Variants in GPR19 observed in about 807,000 individuals in gnomAD.
The protein encoded by GPR19 is G protein-coupled receptor 19.
In GPR19, 14 loss-of-function variants were observed where a neutral mutation model predicts 28.5. That is an observed-to-expected ratio of 0.49 (90% CI 0.32 to 0.77). The LOEUF is 0.77. Ranked by LOEUF, GPR19 falls within the 30% of genes least tolerant of loss-of-function variation. The probability of loss-of-function intolerance (pLI) is 0.03; values close to 1 mark genes in which losing one functional copy is unlikely to be tolerated. For synonymous variants in GPR19, 173 were observed against 184.1 expected (o/e 0.94, Z 0.49); for missense variants, 409 against 504.1 (o/e 0.81, Z 1.81).
At chr12:12,691,881 T>G (rs1198134300) in intron 2 of GPR19, among the ~76,000 whole-genome samples, 1 of 152,250 alleles carries the variant, frequency 6.6e-6, no homozygotes. Flanking sequence ...CCCATTACTT[T>G]TTCTGGTCAT....
chr12:12,700,566 G>T (rs1414483340), upstream of GPR19, among the ~76,000 whole-genome samples: 1 of 152,002 alleles, frequency 6.6e-6, no homozygotes, highest in African/African-American at 2.4e-5. Context: ...GGAAATATAG[G>T]GTTAGAAGCA....
At chr12:12,696,321 G>A (rs1368697784), upstream of GPR19, 2 of 140,894 alleles carry the variant, frequency 1.4e-5, no homozygotes, top group African/African-American at 5.3e-5. Flanking sequence ...TTTCCGTGGC[G>A]TTGAGATCCC....
intron 2 of GPR19, among the ~76,000 whole-genome samples, chr12:12,692,703 G>GA (rs542129885): frequency 1.4e-5 from 2 of 146,808 alleles, no homozygotes; most frequent in African/African-American, 5.0e-5. Context: ...TGTTTTTTTT[G>GA]TTTTTTTTTT....
At chr12:12,702,421 G>A in the GPR19 span, among the ~76,000 whole-genome samples, 1 of 152,096 alleles carries the variant, frequency 6.6e-6, no homozygotes, top group African/African-American at 2.4e-5. Context: ...CTGTAAAATA[G>A]TGTTACAAAG....
chr12:12,686,149 C>G (rs1432924823), intron 2 of GPR19, among the ~76,000 whole-genome samples: 1 of 152,144 alleles, frequency 6.6e-6, no homozygotes, highest in Non-Finnish European at 1.5e-5. Flanking sequence ...CAAAGCAATT[C>G]AGAATATTTA....
At chr12:12,679,976 C>T (rs560815632) in intron 3 of GPR19, among the ~76,000 whole-genome samples, 1 of 151,964 alleles carries the variant, frequency 6.6e-6, no homozygotes, top group East Asian at 1.9e-4. Context: ...AGCAAGTGCT[C>T]AACAAATATT....
chr12:12,667,453 G>A (rs1945799455), intron 3 of GPR19, among the ~76,000 whole-genome samples: 2 of 152,164 alleles, frequency 1.3e-5, no homozygotes, highest in African/African-American at 2.4e-5. Flanking sequence ...CACTTTGGGA[G>A]GCTGAGGCGG....
intron 3 of GPR19, among the ~76,000 whole-genome samples, chr12:12,670,196 A>G (rs1241209788): frequency 6.6e-6 from 1 of 152,230 alleles, no homozygotes; most frequent in Non-Finnish European, 1.5e-5. Context: ...GCCCAGGTAA[A>G]TGTGAATTTC....
At chr12:12,687,160 T>C (rs761869453) in intron 2 of GPR19, among the ~76,000 whole-genome samples, 1 of 152,216 alleles carries the variant, frequency 6.6e-6, no homozygotes, top group African/African-American at 2.4e-5. Context: ...TCCATTTGCC[T>C]TGGAGATAGT....
At chr12:12,717,213 C>CCGGCTAACTCTGAGGACACGCATTT in the GPR19 span, 2 of 1,048,708 alleles carry the variant, frequency 1.9e-6, no homozygotes, top group Non-Finnish European at 2.3e-6. Flanking sequence ...CGGCGGCGCT[C>CCGGCTAACTCTGAGGACACGCATTT]GGGGAGGCGG....
chr12:12,700,517 T>C (rs951222533), upstream of GPR19, among the ~76,000 whole-genome samples: 1 of 152,244 alleles, frequency 6.6e-6, no homozygotes, highest in Non-Finnish European at 1.5e-5. Context: ...AAAACAAGCA[T>C]GTTTTTTTAA....
chr12:12,684,172 C>G (rs1268997244), intron 3 of GPR19, 179 bp downstream of exon 3: 1 of 152,160 alleles, frequency 6.6e-6, no homozygotes, highest in Admixed American at 6.5e-5. Flanking sequence ...GACACATACT[C>G]TGATGAATTT....
chr12:12,682,179 A>T, intron 3 of GPR19, among the ~76,000 whole-genome samples: 1 of 152,234 alleles, frequency 6.6e-6, no homozygotes, highest in Non-Finnish European at 1.5e-5. Context: ...TTCCATTTAG[A>T]TATGAATGAA....
rs758235242 is a variant in GPR19 at position 12,662,265 on chromosome 12, G to A, written c.184C>T (p.Pro62Ser). The A allele has an allele frequency of 6.2e-6, 10 of 1,614,072 alleles. No homozygotes were observed. The highest frequency in any genetic ancestry group is 3.3e-4 in the Middle Eastern group (2 of 6,084). ...NQTDLHYVLK[P>S]GEVATASIFF... Reference sequence around the variant, plus strand: ...ATGCTGGCTGTGGCCACTTCCCCGGGTTTCAGCACATAGTGAAGGTCTGTT... The same window carrying A: ...ATGCTGGCTGTGGCCACTTCCCCGGATTTCAGCACATAGTGAAGGTCTGTT... The change falls in exon 4 of 4, where the codon CCC (proline) becomes TCC (serine). Residue 62 changes from proline to serine, a missense_variant. Physicochemically the swap from Pro to Ser is moderately conservative, Grantham distance 74 (BLOSUM62 -1). Transcript: ENST00000651487.
chr12:12,716,751 T>G, the GPR19 span: 60 of 985,078 alleles, frequency 6.1e-5, no homozygotes, highest in Non-Finnish European at 7.1e-5. Context: ...GCCCCCAGCC[T>G]CCCCAGGGAT....
At position 12,662,103 on chromosome 12, in the gene GPR19, C is replaced by T. The variant is rs41276680; in HGVS notation, c.346G>A (p.Val116Ile). 0.021 allele frequency: 33,164 copies of T among 1,614,152 alleles called. 394 individuals carry two copies. Among genetic ancestry groups the T allele is most frequent in the Non-Finnish European group, 0.024 (27,960 of 1,179,978 alleles). Residue 116 changes from valine (V) to isoleucine (I), a missense_variant, in exon 4 of 4, where the codon GTT (valine) becomes ATT (isoleucine). Coordinates refer to ENST00000651487, the MANE Select transcript of GPR19 (RefSeq NM_006143.3). ...SMACADLLIS[V>I]ASTPFVLLQF... ...AGCAGGACGAAAGGCGTGCTGGCAACGCTGATGAGAAGGTCAGCACATGCC... is the reference window on the plus strand; with the variant it reads ...AGCAGGACGAAAGGCGTGCTGGCAATGCTGATGAGAAGGTCAGCACATGCC...
chr12:12,702,826 A>G, the GPR19 span, among the ~76,000 whole-genome samples: 1 of 152,194 alleles, frequency 6.6e-6, no homozygotes, highest in Non-Finnish European at 1.5e-5. Flanking sequence ...TAAAGGTGTT[A>G]AAAAATGATG....
chr12:12,702,688 G>A, the GPR19 span, among the ~76,000 whole-genome samples: 1 of 152,118 alleles, frequency 6.6e-6, no homozygotes, highest in African/African-American at 2.4e-5. Flanking sequence ...AGTAAGGGAT[G>A]TTCAACTTAA....
At chr12:12,677,140 T>G (rs571985021) in intron 3 of GPR19, among the ~76,000 whole-genome samples, 1 of 152,328 alleles carries the variant, frequency 6.6e-6, no homozygotes, top group East Asian at 1.9e-4. Context: ...AATTTTGATC[T>G]GTACCACTGT....
Sources: allele counts gnomAD v4.1 joint callset (sites outside exome capture counted in the v4.1 genomes callset), GRCh38; gene constraint gnomAD v4.1.1; transcripts MANE v1.5; gene names NCBI Gene and HGNC (gene_info 2026-07-23, HGNC 2026-07-21).